SLC35F4: variants seen among roughly 807,000 people sequenced by gnomAD.
SLC35F4 encodes the protein chromosome 14 open reading frame 36.
Under a neutral mutation model 44.2 loss-of-function variants are expected in SLC35F4, and 24 were observed. The observed-to-expected ratio is 0.54, with a 90% CI of 0.39 to 0.76. SLC35F4 has a LOEUF of 0.76. Ranked by LOEUF, SLC35F4 falls within the 30% of genes least tolerant of loss-of-function variation. The probability of loss-of-function intolerance (pLI) is 0.00; values close to 1 mark genes in which losing one functional copy is unlikely to be tolerated. For missense variants in SLC35F4, 562 were observed against 586.1 expected (o/e 0.96, Z 0.42); for synonymous variants, 238 against 223.6 (o/e 1.06, Z -0.57).
chr14:57,973,491 G>A (rs986304321), downstream of SLC35F4, among the ~76,000 whole-genome samples: 1 of 152,182 alleles, frequency 6.6e-6, no homozygotes, highest in Non-Finnish European at 1.5e-5. Context: ...GAGAGGCACA[G>A]ATCTCTGTGG....
At chr14:57,621,651 T>C (rs2140094689) in intron 1 of SLC35F4, among the ~76,000 whole-genome samples, 1 of 152,272 alleles carries the variant, frequency 6.6e-6, no homozygotes, top group South Asian at 2.1e-4. Flanking sequence ...CCTTATACCT[T>C]ATACAAAAAT....
intron 1 of SLC35F4, among the ~76,000 whole-genome samples, chr14:57,912,647 T>C (rs1399959367): frequency 6.6e-6 from 1 of 152,066 alleles, no homozygotes; most frequent in Non-Finnish European, 1.5e-5. Flanking sequence ...GCATGATTTC[T>C]ATTCCCTTAA....
rs992911512 is a variant in SLC35F4 at position 57,951,547 on chromosome 14, G to A, written n.282+30366C>T. On this transcript the variant is annotated intron_variant and non_coding_transcript_variant, in intron 1 of 1. Coordinates refer to the SLC35F4 transcript ENST00000556568. ...TAAGATCCACTGGCTTGAAATTCTC[G>A]CTACCAGCACAATAGCCTGGAGTCG... Among the ~76,000 whole-genome samples, 8 of 152,242 alleles carry A rather than the reference G, an allele frequency of 5.3e-5. No individual in the cohort carries two copies. The East Asian group carries it at 7.7e-4, about 15-fold the overall frequency.
intron 1 of SLC35F4, among the ~76,000 whole-genome samples, chr14:57,863,035 T>A (rs952695523): frequency 2.7e-5 from 4 of 150,758 alleles, no homozygotes; most frequent in African/African-American, 5.0e-5. Flanking sequence ...TTAAAAAAAA[T>A]GTTTAAATAA....
intron 1 of SLC35F4, among the ~76,000 whole-genome samples, chr14:57,749,422 G>A (rs890698347): frequency 3.3e-5 from 5 of 151,942 alleles, no homozygotes; most frequent in African/African-American, 7.3e-5. Flanking sequence ...ACAAAACAAC[G>A]GCCAGTGCAG....
intron 1 of SLC35F4, among the ~76,000 whole-genome samples, chr14:57,623,318 C>G (rs1360912531): frequency 6.6e-6 from 1 of 152,178 alleles, no homozygotes; most frequent in Non-Finnish European, 1.5e-5. Flanking sequence ...AAAGCAAGTT[C>G]TTAGAGACCT....
chr14:57,700,880 T>C (rs2075519949), intron 1 of SLC35F4, among the ~76,000 whole-genome samples: 1 of 152,142 alleles, frequency 6.6e-6, no homozygotes, highest in Non-Finnish European at 1.5e-5. Flanking sequence ...CACTTCAGCC[T>C]GGGTGACAGA....
intron 1 of SLC35F4, among the ~76,000 whole-genome samples, chr14:57,675,638 T>C (rs971485292): frequency 6.6e-6 from 1 of 152,078 alleles, no homozygotes; most frequent in Non-Finnish European, 1.5e-5. Flanking sequence ...CAGTATGATG[T>C]TGGCTGTGGG....
At chr14:57,905,169 C>T (rs758434407) in intron 1 of SLC35F4, among the ~76,000 whole-genome samples, 114 of 152,270 alleles carry the variant, frequency 7.5e-4, no homozygotes, top group Non-Finnish European at 1.0e-3. Context: ...GGATCTGCTA[C>T]GAAGGTGACT....
intron 6 of SLC35F4, among the ~76,000 whole-genome samples, chr14:57,568,689 A>G (rs1335473254): frequency 6.6e-6 from 1 of 152,182 alleles, no homozygotes; most frequent in Non-Finnish European, 1.5e-5. Flanking sequence ...GGATGAAAAT[A>G]AGAACATTTA....
chr14:57,689,163 C>T (rs77692693), intron 1 of SLC35F4, among the ~76,000 whole-genome samples: 22,569 of 152,086 alleles, frequency 0.15, 1,893 homozygotes, highest in East Asian at 0.29. Flanking sequence ...TCTCCTCACT[C>T]GAAAATATGT....
chr14:57,882,841 T>G (rs1888565838), intron 1 of SLC35F4, among the ~76,000 whole-genome samples: 1 of 152,204 alleles, frequency 6.6e-6, no homozygotes, highest in African/African-American at 2.4e-5. Context: ...CTTTCCCATG[T>G]AATACTGCAG....
In SLC35F4 at chr14:57,882,064, C is replaced by T. The variant is rs1888546818; in HGVS notation, n.282+99849G>A. 3.9e-5 allele frequency among the ~76,000 whole-genome samples: 6 copies of T among 152,140 alleles called. No homozygotes were observed. The South Asian group carries it at 1.2e-3, about 32-fold the overall frequency. ...TTCATCCAGACCTGGGCTAAGTAGT[C>T]CACCTGTAGCCCCTGCTGAGGAAAT... On this transcript the variant is annotated intron_variant and non_coding_transcript_variant, in intron 1 of 1. Coordinates refer to the SLC35F4 transcript ENST00000556568.
chr14:57,735,605 T>C (rs187846585), intron 1 of SLC35F4, among the ~76,000 whole-genome samples: 2 of 152,256 alleles, frequency 1.3e-5, no homozygotes, highest in Admixed American at 1.3e-4. Flanking sequence ...GTGTCTGAAG[T>C]AGTATAAAGT....
chr14:57,977,741 G>C (rs1345355205), intron 1 of SLC35F4, among the ~76,000 whole-genome samples: 1 of 152,184 alleles, frequency 6.6e-6, no homozygotes, highest in African/African-American at 2.4e-5. Flanking sequence ...CTCAGGCCCA[G>C]TTCATAGATG....
chr14:57,931,594 G>GAA (rs60637550), intron 1 of SLC35F4, among the ~76,000 whole-genome samples: 11 of 152,226 alleles, frequency 7.2e-5, no homozygotes, highest in African/African-American at 2.2e-4. Flanking sequence ...ATAGCTGGGA[G>GAA]AAAAAAACAA....
At chr14:57,689,767 T>G (rs1252209822) in intron 1 of SLC35F4, among the ~76,000 whole-genome samples, 2 of 149,810 alleles carry the variant, frequency 1.3e-5, no homozygotes, top group Non-Finnish European at 3.0e-5. Flanking sequence ...GGGATAGCAT[T>G]AGGAGATATA....
chr14:57,669,316 CTT>C (rs2074428757), intron 1 of SLC35F4, among the ~76,000 whole-genome samples: 1 of 151,920 alleles, frequency 6.6e-6, no homozygotes, highest in South Asian at 2.1e-4. Flanking sequence ...ATTGAATACC[CTT>C]TATTTCCTTC....
At chr14:57,902,575 A>G (rs5002617) in intron 1 of SLC35F4, among the ~76,000 whole-genome samples, 56 of 149,994 alleles carry the variant, frequency 3.7e-4, no homozygotes, top group African/African-American at 5.4e-4. Flanking sequence ...AAAAAAAAAA[A>G]AAGAAGAAGA....
Sources: gnomAD v4.1 joint callset for allele counts (sites outside exome capture counted in the v4.1 genomes callset) on GRCh38, gnomAD v4.1.1 for gene constraint, MANE v1.5 for transcripts, NCBI Gene and HGNC (gene_info 2026-07-23, HGNC 2026-07-21) for gene names.